The following PPM1H variants were observed in gnomAD, a reference collection of about 807,000 sequenced individuals.
PPM1H encodes the protein protein phosphatase, Mg2+/Mn2+ dependent 1H.
PPM1H carries 27 observed loss-of-function variants against 54.9 expected under a neutral mutation model. The ratio of observed to expected loss-of-function variants is 0.49; its 90% confidence interval spans 0.36 to 0.68. The LOEUF (loss-of-function observed/expected upper bound fraction) is 0.68. PPM1H is among the 30% of genes least tolerant of loss of function. The pLI is 0.00. For synonymous variants in PPM1H, 305 were observed against 270.8 expected (o/e 1.13, Z -1.24); for missense variants, 596 against 667.8 (o/e 0.89, Z 1.19).
chr12:62,853,004 A>G (rs544671011), intron 1 of PPM1H, among the ~76,000 whole-genome samples: 2 of 152,376 alleles, frequency 1.3e-5, no homozygotes, highest in South Asian at 4.1e-4. Context: ...ACATTATGAT[A>G]GTCTGTAGAA....
At chr12:62,923,818 C>T (rs1469822369) in intron 1 of PPM1H, among the ~76,000 whole-genome samples, 1 of 152,212 alleles carries the variant, frequency 6.6e-6, no homozygotes, top group Non-Finnish European at 1.5e-5. Flanking sequence ...ACACTTGGTT[C>T]CTGGCCCAAC....
At chr12:62,863,308 C>CATG (rs1384823283) in intron 1 of PPM1H, among the ~76,000 whole-genome samples, 14 of 152,148 alleles carry the variant, frequency 9.2e-5, no homozygotes, top group Admixed American at 9.2e-4. Context: ...GGATTACAGG[C>CATG]ATGAGCGACT....
intron 5 of PPM1H, among the ~76,000 whole-genome samples, chr12:62,728,298 C>T (rs2076301159): frequency 6.6e-6 from 1 of 152,172 alleles, no homozygotes; most frequent in Admixed American, 6.5e-5. Context: ...AACTTACAAA[C>T]ATGGTTATAT....
At chr12:62,884,512 A>G (rs1361871161) in intron 1 of PPM1H, among the ~76,000 whole-genome samples, 1 of 150,592 alleles carries the variant, frequency 6.6e-6, no homozygotes, top group Non-Finnish European at 1.5e-5. Flanking sequence ...AAAAAAAAAA[A>G]AAAAAAGAAA....
chr12:62,778,157 T>C (rs183852771), intron 4 of PPM1H, among the ~76,000 whole-genome samples: 50 of 152,286 alleles, frequency 3.3e-4, no homozygotes, highest in Non-Finnish European at 2.2e-4. Context: ...GATAGTGATA[T>C]CCAAGTTGTA....
chr12:62,855,530 C>G (rs547635935), intron 1 of PPM1H, among the ~76,000 whole-genome samples: 33 of 152,234 alleles, frequency 2.2e-4, no homozygotes, highest in Non-Finnish European at 4.1e-4. Context: ...CAATTAGCAG[C>G]GAGAAAAGAT....
intron 7 of PPM1H, among the ~76,000 whole-genome samples, chr12:62,691,226 A>G (rs2076081219): frequency 6.6e-6 from 1 of 152,176 alleles, no homozygotes; most frequent in East Asian, 1.9e-4. Flanking sequence ...GGGTGGAAGA[A>G]AGCAGTGTCC....
chr12:62,702,544 C>CAGAGAGAGAGAGAGAGAGAGAGAG (rs66497730), intron 6 of PPM1H, among the ~76,000 whole-genome samples: 30 of 140,732 alleles, frequency 2.1e-4, no homozygotes, highest in Middle Eastern at 7.7e-3. Context: ...CCTTGAGCTA[C>CAGAGAGAGAGAGAGAGAGAGAGAG]AGAGAGAGAG....
intron 8 of PPM1H, among the ~76,000 whole-genome samples, chr12:62,669,855 C>T (rs1315233347): frequency 6.6e-6 from 1 of 150,634 alleles, no homozygotes; most frequent in Non-Finnish European, 1.5e-5. Context: ...AGGAGAATTG[C>T]TTGAACCCAG....
At chr12:62,757,888 C>CCT (rs1382026761) in intron 4 of PPM1H, among the ~76,000 whole-genome samples, 1 of 152,188 alleles carries the variant, frequency 6.6e-6, no homozygotes, top group Non-Finnish European at 1.5e-5. Context: ...TTCACAACCA[C>CCT]CTCTCAAAGA....
At chr12:62,689,642 G>T (rs2076072373) in intron 8 of PPM1H, 57 bp downstream of exon 8, 1 of 1,341,970 alleles carries the variant, frequency 7.5e-7, no homozygotes, top group African/African-American at 1.5e-5. Flanking sequence ...GTCACAGGAG[G>T]AATAACGCCG....
intron 9 of PPM1H, among the ~76,000 whole-genome samples, chr12:62,651,881 T>A (rs2075818500): frequency 1.3e-5 from 2 of 152,190 alleles, no homozygotes; most frequent in East Asian, 1.9e-4. Context: ...TCCTTAAAAA[T>A]CTCTGTTCTT....
intron 1 of PPM1H, among the ~76,000 whole-genome samples, chr12:62,838,363 T>C (rs965250741): frequency 6.6e-6 from 1 of 150,702 alleles, no homozygotes; most frequent in Non-Finnish European, 1.5e-5. Flanking sequence ...GAATAACTTA[T>C]GGAAGACCAA....
chr12:62,922,402 G>A (rs1871828451), intron 1 of PPM1H, among the ~76,000 whole-genome samples: 1 of 151,256 alleles, frequency 6.6e-6, no homozygotes, highest in South Asian at 2.1e-4. Context: ...GGTCACCAGG[G>A]TCATGGGACA....
chr12:62,746,671 G>A (rs61919559), intron 4 of PPM1H, among the ~76,000 whole-genome samples: 12,098 of 152,182 alleles, frequency 0.079, 545 homozygotes, highest in Admixed American at 0.14. Context: ...CCCTTGTTCC[G>A]GGGCAAGCAA....
rs143699801 is a variant in PPM1H at position 62,808,737 on chromosome 12, A to G, written c.412-6577T>C. ...ATATCATCTCCTTCCAGAAGCCCCT[A>G]CTTCACCCTGAGCACCATCTGGACA... On this transcript the variant is annotated intron_variant, in intron 2 of 9. Coordinates refer to ENST00000228705, the MANE Select transcript of PPM1H (RefSeq NM_020700.2). Among the ~76,000 whole-genome samples, 5 of 152,128 alleles carry G rather than the reference A, an allele frequency of 3.3e-5. No individual in the cohort carries two copies. In the East Asian group the frequency reaches 9.7e-4, roughly 30 times the overall value.
chr12:62,674,754 C>A (rs544566943), intron 8 of PPM1H, among the ~76,000 whole-genome samples: 2 of 152,342 alleles, frequency 1.3e-5, no homozygotes, highest in African/African-American at 4.8e-5. Context: ...ACATCGTATG[C>A]CTTACACGAA....
chr12:62,715,182 C>T (rs770717118), intron 6 of PPM1H, among the ~76,000 whole-genome samples: 3 of 152,184 alleles, frequency 2.0e-5, no homozygotes, highest in Non-Finnish European at 4.4e-5. Flanking sequence ...GGCTGCGGGT[C>T]GGGATACACT....
Position 62,667,291 on chromosome 12 carries a change from T to G in PPM1H, c.1284A>C (p.Ser428=). The change falls in exon 9 of 10, where the codon TCA becomes TCC. Residue 428 remains serine (S), a synonymous_variant. Coordinates refer to ENST00000228705, the MANE Select transcript of PPM1H (RefSeq NM_020700.2). ...CAGTGGCCAAGATCAGCACATCATC[T>G]GATCCATGATCATATTTTGAAAGAT... The part of the protein sequence containing the change: ...IYDLSKYDHG[S]DDVLILATDG... 6.2e-7 allele frequency: 1 copy of G among 1,605,262 alleles called. No individual in the cohort carries two copies. The highest frequency in any genetic ancestry group is 8.5e-7 in the Non-Finnish European group (1 of 1,174,666).
Sources: allele counts gnomAD v4.1 joint callset (sites outside exome capture counted in the v4.1 genomes callset), GRCh38; gene constraint gnomAD v4.1.1; transcripts MANE v1.5; gene names NCBI Gene and HGNC (gene_info 2026-07-23, HGNC 2026-07-21).